The following SOAT1 variants were observed in gnomAD, a reference collection of about 807,000 sequenced individuals.
SOAT1 encodes the protein acyl-coenzyme A:cholesterol acyltransferase 1.
SOAT1 carries 55 observed loss-of-function variants against 69.5 expected under a neutral mutation model. The ratio of observed to expected loss-of-function variants is 0.79; its 90% confidence interval spans 0.64 to 0.99. The LOEUF is 0.99. SOAT1 is among the 50% of genes least tolerant of loss of function. The pLI, the probability that SOAT1 is intolerant of heterozygous loss-of-function variation, is 0.00. For missense variants in SOAT1, 580 were observed against 669.3 expected (o/e 0.87, Z 1.47); for synonymous variants, 231 against 224.7 (o/e 1.03, Z -0.25).
chr1:179,351,309 AT>A lies in SOAT1; in HGVS notation c.1451-3del, dbSNP rs977573903. ...CTGTATATTTCTTTGTTGCCTTCCT[AT>A]TTTTAGTGGCTTTCAACTTCATTGT... On this transcript the variant is annotated splice_polypyrimidine_tract_variant and splice_region_variant and intron_variant, in intron 14 of 15. Transcript: ENST00000367619. The A allele has an allele frequency of 4.3e-6, 7 of 1,613,284 alleles. No homozygotes were observed. In the Admixed American group the frequency reaches 8.3e-5, roughly 19 times the overall value.
At chr1:179,334,270 TTTAGAAG>T (rs1340141618) in intron 3 of SOAT1, among the ~76,000 whole-genome samples, 2 of 152,170 alleles carry the variant, frequency 1.3e-5, no homozygotes, top group African/African-American at 4.8e-5. Context: ...GTTACGTTTG[TTTAGAAG>T]TTAGAAGTTA....
At chr1:179,313,670 C>T (rs1217407363) in intron 2 of SOAT1, among the ~76,000 whole-genome samples, 1 of 152,044 alleles carries the variant, frequency 6.6e-6, no homozygotes, top group African/African-American at 2.4e-5. Context: ...CCGCAACCTC[C>T]GCCTCCCAGG....
chr1:179,304,100 C>A (rs1056905345), intron 2 of SOAT1, among the ~76,000 whole-genome samples: 2 of 152,146 alleles, frequency 1.3e-5, no homozygotes, highest in African/African-American at 4.8e-5. Flanking sequence ...TAGCTTAAAT[C>A]AAGAAGTGTA....
chr1:179,347,530 G>T, intron 11 of SOAT1, 70 bp from the exon 12 acceptor site: 1 of 816,510 alleles, frequency 1.2e-6, no homozygotes, highest in East Asian at 2.5e-5. Context: ...ATAAAATGAT[G>T]TGATATAATT....
chr1:179,353,706 G>A lies in SOAT1; in HGVS notation c.*65G>A. Reference sequence around the variant, plus strand: ...GTAGCTCCCTGATTTGGAGCCAGCTGTTTCCAGTTGTTACTGAAGTTATCT... The same window carrying A: ...GTAGCTCCCTGATTTGGAGCCAGCTATTTCCAGTTGTTACTGAAGTTATCT... On this transcript the variant is annotated 3_prime_UTR_variant, in exon 16 of 16. Coordinates refer to ENST00000367619, the MANE Select transcript of SOAT1 (RefSeq NM_003101.6). 1 of 1,310,224 alleles carries A rather than the reference G, an allele frequency of 7.6e-7. No homozygotes were observed. The highest frequency in any genetic ancestry group is 1.1e-6 in the Non-Finnish European group (1 of 907,046). The allele number at this position is 1,310,224 out of a possible 1,614,324, so 81.2% of individuals were successfully genotyped here.
At chr1:179,317,532 C>CAG (rs780051646) in intron 2 of SOAT1, among the ~76,000 whole-genome samples, 1 of 106,354 alleles carries the variant, frequency 9.4e-6, no homozygotes, top group African/African-American at 3.8e-5. Context: ...GACTCCGTCT[C>CAG]AAAAAAAAAA....
chr1:179,300,135 C>G (rs1457864894), intron 1 of SOAT1, among the ~76,000 whole-genome samples: 1 of 151,540 alleles, frequency 6.6e-6, no homozygotes, highest in African/African-American at 2.4e-5. Flanking sequence ...AATTCCCCAT[C>G]ATCTGGCCAG....
At chr1:179,320,544 TAGTG>T (rs1484448377) in intron 2 of SOAT1, among the ~76,000 whole-genome samples, 1 of 152,190 alleles carries the variant, frequency 6.6e-6, no homozygotes, top group East Asian at 1.9e-4. Flanking sequence ...GGTGAAATTT[TAGTG>T]AGTATTGCTT....
chr1:179,343,501 GC>G, intron 9 of SOAT1, 88 bp from the exon 10 acceptor site: 2 of 1,164,380 alleles, frequency 1.7e-6, no homozygotes, highest in Non-Finnish European at 2.5e-6. Flanking sequence ...GAGCCACCGC[GC>G]CTGACCAAAA....
chr1:179,342,029 C>A, intron 7 of SOAT1, 85 bp from the exon 8 acceptor site: 1 of 1,530,198 alleles, frequency 6.5e-7, no homozygotes, highest in Non-Finnish European at 8.8e-7. Context: ...ACTTTACTGG[C>A]TATCTATAAT....
intron 2 of SOAT1, among the ~76,000 whole-genome samples, chr1:179,311,579 TA>T (rs1253185604): frequency 0.014 from 1,668 of 122,036 alleles, 41 homozygotes; most frequent in African/African-American, 0.041. Context: ...GGACTGTTTT[TA>T]AAAAAAAAAT....
intron 2 of SOAT1, among the ~76,000 whole-genome samples, chr1:179,312,947 A>G (rs1000875591): frequency 3.9e-5 from 6 of 152,230 alleles, no homozygotes; most frequent in Non-Finnish European, 7.3e-5. Flanking sequence ...TTCCCAGTCA[A>G]TAAGCTTGAG....
rs549626244 is a variant in SOAT1, at chr1:179,341,836, T to C, written c.781-278T>C. Among the ~76,000 whole-genome samples the C allele has an allele frequency of 1.2e-4, 19 of 152,304 alleles. No individual in the cohort carries two copies. The East Asian group carries it at 3.3e-3, about 26-fold the overall frequency. On this transcript the variant is annotated intron_variant, in intron 7 of 15. Transcript: ENST00000367619. ...GCGTAAGCCACCGCGCCCGGCCACATTGAATTATTTTTGATGCATCAAGAT... is the reference window on the plus strand; with the variant it reads ...GCGTAAGCCACCGCGCCCGGCCACACTGAATTATTTTTGATGCATCAAGAT...
chr1:179,335,869 A>T (rs1042966922), intron 4 of SOAT1, among the ~76,000 whole-genome samples: 4 of 152,140 alleles, frequency 2.6e-5, no homozygotes, highest in Non-Finnish European at 5.9e-5. Context: ...TACCTCTTTT[A>T]ACACTAATGC....
intron 5 of SOAT1, among the ~76,000 whole-genome samples, chr1:179,338,783 GT>G (rs1666239825): frequency 6.6e-6 from 1 of 152,172 alleles, no homozygotes; most frequent in South Asian, 2.1e-4. Context: ...AACAAAACAT[GT>G]TTTCTATGGC....
In SOAT1 at chr1:179,356,854, G is replaced by A. The variant is rs1020458727; in HGVS notation, c.*3213G>A. 1 of 138,852 alleles carries A rather than the reference G, an allele frequency of 7.2e-6. No individual in the cohort carries two copies. Among genetic ancestry groups the A allele is most frequent in the Admixed American group, 7.2e-5 (1 of 13,904 alleles). The allele number at this position is 138,852 out of a possible 1,614,324, so 8.6% of individuals were successfully genotyped here. A position where few individuals can be genotyped will look rare whatever the true frequency, so the allele number is the denominator to read the frequency against. ...ACCACCACACCCAGCTAATTTATTT[G>A]TTTTTTTTTTTTTAGAGATGGGGGG... On this transcript the variant is annotated 3_prime_UTR_variant, in exon 16 of 16. Transcript: ENST00000367619.
chr1:179,324,257 C>T (rs2124966946), intron 3 of SOAT1, among the ~76,000 whole-genome samples: 1 of 152,242 alleles, frequency 6.6e-6, no homozygotes, highest in East Asian at 1.9e-4. Context: ...ATTATTTATA[C>T]TCACTTTGAT....
At chr1:179,315,243 A>G (rs938602433) in intron 2 of SOAT1, among the ~76,000 whole-genome samples, 2 of 152,172 alleles carry the variant, frequency 1.3e-5, no homozygotes, top group Non-Finnish European at 2.9e-5. Context: ...CCAGGAGTTC[A>G]AGACCAGCCT....
intron 7 of SOAT1, among the ~76,000 whole-genome samples, chr1:179,341,689 C>G (rs536897755): frequency 6.6e-6 from 1 of 152,192 alleles, no homozygotes; most frequent in South Asian, 2.1e-4. Flanking sequence ...CGCCTGCCAC[C>G]ACACCCGGCT....
Sources: allele counts gnomAD v4.1 joint callset (sites outside exome capture counted in the v4.1 genomes callset), GRCh38; gene constraint gnomAD v4.1.1; transcripts MANE v1.5; gene names NCBI Gene and HGNC (gene_info 2026-07-23, HGNC 2026-07-21).